Variants in RSPH14 observed in about 807,000 individuals in gnomAD.
RSPH14 encodes the protein radial spoke head 14 homolog.
In RSPH14, 20 loss-of-function variants were observed where a neutral mutation model predicts 26.7. That is an observed-to-expected ratio of 0.75 (90% confidence interval 0.53 to 1.09). The LOEUF (loss-of-function observed/expected upper bound fraction) is 1.09. RSPH14 is among the 50% of genes least tolerant of loss of function. The probability of loss-of-function intolerance (pLI) is 0.00; values close to 1 mark genes in which losing one functional copy is unlikely to be tolerated. For missense variants in RSPH14, 449 were observed against 457.2 expected, an observed-to-expected ratio of 0.98 and a Z score of 0.16; for synonymous variants, 177 against 189.3, an observed-to-expected ratio of 0.93 and a Z score of 0.53.
At chr22:23,180,589 G>A in the RSPH14 span, 2,730 of 36,478 alleles carry the variant, frequency 0.075, 72 homozygotes, top group African/African-American at 0.46. Context: ...CGGCGGCGGC[G>A]GCACGGCGGC....
intron 4 of RSPH14, among the ~76,000 whole-genome samples, chr22:23,092,363 C>T (rs943147551): frequency 1.3e-4 from 20 of 152,168 alleles, no homozygotes; most frequent in African/African-American, 2.9e-4. Context: ...CTGTCCCATG[C>T]GTGGTGCCCC....
At chr22:23,100,816 A>G (rs1284716215) in intron 4 of RSPH14, among the ~76,000 whole-genome samples, 1 of 152,290 alleles carries the variant, frequency 6.6e-6, no homozygotes, top group East Asian at 1.9e-4. Context: ...GCCCTTCCCA[A>G]GGAGACCCTA....
chr22:23,100,675 GCT>G (rs1433553124), intron 4 of RSPH14, among the ~76,000 whole-genome samples: 3 of 152,252 alleles, frequency 2.0e-5, no homozygotes, highest in Non-Finnish European at 4.4e-5. Flanking sequence ...CACAGCCTGT[GCT>G]CTGAGCAGAG....
In RSPH14 at chr22:23,063,982, C is replaced by A. The variant is rs200995312; in HGVS notation, c.573G>T (p.Val191=). ...EDATEALGSN[V]VLVLKQKLLS... ...GGAGCTTCTGCTTCAGGACAAGCAC[C>A]ACATTGCTGCCCAGGGCCTCGGTGG... The change falls in exon 5 of 7, where the codon GTG becomes GTT. Residue 191 remains valine, a synonymous_variant. Coordinates refer to ENST00000216036, the MANE Select transcript of RSPH14 (RefSeq NM_014433.3). The A allele has an allele frequency of 2.5e-6, 4 of 1,614,076 alleles. No homozygotes were observed. Among genetic ancestry groups the A allele is most frequent in the Non-Finnish European group, 3.4e-6 (4 of 1,180,046 alleles).
At chr22:23,117,248 G>GAC (rs397689966) in intron 4 of RSPH14, among the ~76,000 whole-genome samples, 1 of 150,508 alleles carries the variant, frequency 6.6e-6, no homozygotes, top group Non-Finnish European at 1.5e-5. Context: ...GGGAATGAGA[G>GAC]GGGCTGAGCC....
rs182481030 is a variant in RSPH14, at chr22:23,123,320, G to A, written c.421+10706C>T. ...TGAACCGCAACAAGGAGACCAAGGA[G>A]ATCTACTCCCACTTCACCTGCGCCA... is the stretch of plus-strand genomic sequence containing the variant. On this transcript the variant is annotated intron_variant, in intron 4 of 6. Coordinates refer to ENST00000216036, the MANE Select transcript of RSPH14 (RefSeq NM_014433.3). 148 of 1,614,040 alleles carry A rather than the reference G, an allele frequency of 9.2e-5. 1 individual carries two copies. In the East Asian group the frequency reaches 2.8e-3, roughly 30 times the overall value.
At chr22:23,157,203 C>T in the RSPH14 span, among the ~76,000 whole-genome samples, 1 of 152,058 alleles carries the variant, frequency 6.6e-6, no homozygotes. Context: ...TGCTAACCAT[C>T]ACTGCTGTAG....
intron 4 of RSPH14, chr22:23,132,923 G>A (rs1350340379): frequency 1.3e-5 from 2 of 151,982 alleles, no homozygotes; most frequent in Non-Finnish European, 1.5e-5. Flanking sequence ...GCGGACACCC[G>A]ACTGGCGTAG....
the RSPH14 span, chr22:23,158,156 GGGCCC>G: frequency 6.5e-7 from 1 of 1,533,816 alleles, no homozygotes; most frequent in South Asian, 1.3e-5. Flanking sequence ...TGAGTGACCA[GGGCCC>G]CTTGTCAGAA....
chr22:23,122,789 C>T (rs1044313492), intron 4 of RSPH14: 12 of 443,364 alleles, frequency 2.7e-5, no homozygotes, highest in East Asian at 7.3e-5. Flanking sequence ...CTGTGCTTGG[C>T]ACATCTGTAG....
intron 4 of RSPH14, among the ~76,000 whole-genome samples, chr22:23,095,063 A>T (rs2069084814): frequency 1.3e-5 from 2 of 152,314 alleles, no homozygotes; most frequent in East Asian, 3.9e-4. Flanking sequence ...CAGCAGACAT[A>T]TGTGTTACAC....
chr22:23,175,323 A>C, the RSPH14 span, among the ~76,000 whole-genome samples: 1 of 148,272 alleles, frequency 6.7e-6, no homozygotes, highest in Non-Finnish European at 1.5e-5. Context: ...TTTAAATTAC[A>C]AAAGATAGGT....
At chr22:23,070,353 T>TGGCGGCG (rs587597964) in intron 4 of RSPH14, 59,021 of 142,224 alleles carry the variant, frequency 0.41, 12,780 homozygotes, top group East Asian at 0.55. Context: ...ACCCGCGGAC[T>TGGCGGCG]GGCGGCGGGC....
At chr22:23,086,981 C>A (rs950374145) in intron 4 of RSPH14, among the ~76,000 whole-genome samples, 1 of 152,220 alleles carries the variant, frequency 6.6e-6, no homozygotes, top group African/African-American at 2.4e-5. Flanking sequence ...CAGCTGGAAG[C>A]ACATGCGGCT....
At chr22:23,130,057 GAA>G (rs1156868854) in intron 4 of RSPH14, among the ~76,000 whole-genome samples, 9 of 128,600 alleles carry the variant, frequency 7.0e-5, no homozygotes, top group South Asian at 5.1e-4. Flanking sequence ...GAAAGAGAAA[GAA>G]AAAGAAAGAA....
intron 4 of RSPH14, among the ~76,000 whole-genome samples, chr22:23,130,149 A>AAGAAAGAG (rs1185739083): frequency 8.3e-6 from 1 of 120,996 alleles, no homozygotes; most frequent in East Asian, 2.5e-4. Flanking sequence ...GAAAGAAAGA[A>AAGAAAGAG]AGAAAGAAAG....
At chr22:23,091,528 A>G (rs1329654936) in intron 4 of RSPH14, among the ~76,000 whole-genome samples, 2 of 148,756 alleles carry the variant, frequency 1.3e-5, no homozygotes, top group African/African-American at 5.0e-5. Flanking sequence ...ACACCGCAAT[A>G]GACCTACACA....
intron 4 of RSPH14, among the ~76,000 whole-genome samples, chr22:23,066,767 T>C (rs900269924): frequency 1.1e-4 from 17 of 151,920 alleles, no homozygotes; most frequent in African/African-American, 3.6e-4. Flanking sequence ...TGGGGGGTGG[T>C]TGCAGAAGAG....
chr22:23,157,196 T>A, the RSPH14 span, among the ~76,000 whole-genome samples: 3 of 151,972 alleles, frequency 2.0e-5, no homozygotes, highest in African/African-American at 7.3e-5. Context: ...AGGTTGTTGC[T>A]AACCATCACT....
Sources: gnomAD v4.1 joint callset for allele counts (sites outside exome capture counted in the v4.1 genomes callset) on GRCh38, gnomAD v4.1.1 for gene constraint, MANE v1.5 for transcripts, NCBI Gene and HGNC (gene_info 2026-07-23, HGNC 2026-07-21) for gene names.